PID1: variants seen among roughly 807,000 people sequenced by gnomAD.
The protein encoded by PID1 is phosphotyrosine interaction domain containing 1.
PID1 carries 10 observed loss-of-function variants against 19.1 expected under a neutral mutation model. The observed-to-expected ratio is 0.52, with a 90% CI of 0.32 to 0.89. The LOEUF (loss-of-function observed/expected upper bound fraction) is 0.89, where lower values mean the gene tolerates loss of function less well. PID1 is among the 40% of genes least tolerant of loss of function. The pLI, the probability that PID1 is intolerant of heterozygous loss-of-function variation, is 0.03. For synonymous variants in PID1, 130 were observed against 116.0 expected (o/e 1.12, Z -0.78); for missense variants, 248 against 285.3 (o/e 0.87, Z 0.94).
chr2:229,086,949 G>A (rs1197082462), intron 2 of PID1, among the ~76,000 whole-genome samples: 1 of 131,914 alleles, frequency 7.6e-6, no homozygotes, highest in Non-Finnish European at 1.7e-5. Context: ...TGAGAAGGCA[G>A]TCAGTGACTA....
At chr2:229,054,719 TGGG>T (rs59290972) in intron 2 of PID1, among the ~76,000 whole-genome samples, 25 of 18,020 alleles carry the variant, frequency 1.4e-3, no homozygotes, top group East Asian at 2.5e-3. Context: ...TGTGTGTGTG[TGGG>T]GGGGGGGGGG....
chr2:229,164,376 G>T (rs1690556803), intron 1 of PID1, among the ~76,000 whole-genome samples: 2 of 151,708 alleles, frequency 1.3e-5, no homozygotes, highest in Middle Eastern at 6.8e-3. Context: ...GAACTAAGAG[G>T]GTGTGAGTCA....
chr2:229,130,814 T>C (rs901080460), intron 2 of PID1, among the ~76,000 whole-genome samples: 3 of 152,190 alleles, frequency 2.0e-5, no homozygotes, highest in African/African-American at 7.2e-5. Flanking sequence ...AAATGAAGTT[T>C]ATTTTCTCAC....
At chr2:229,247,974 CCTCATCCTT>C (rs1690047207) in intron 1 of PID1, among the ~76,000 whole-genome samples, 1 of 152,116 alleles carries the variant, frequency 6.6e-6, no homozygotes, top group Admixed American at 6.6e-5. Flanking sequence ...TTCTCATCCT[CCTCATCCTT>C]CCTTCTCTCT....
At position 229,029,918 on chromosome 2, in the gene PID1, T is replaced by C. The variant is rs537888242; in HGVS notation, c.178-3810A>G. 9.9e-5 allele frequency among the ~76,000 whole-genome samples: 15 copies of C among 151,716 alleles called. No homozygotes were observed. In the South Asian group the frequency reaches 1.7e-3, roughly 17 times the overall value. On this transcript the variant is annotated intron_variant, in intron 2 of 2. Coordinates refer to ENST00000392055, the MANE Select transcript of PID1 (RefSeq NM_001100818.2). ...ACTTCTGGGTATATACCCCAAATAA[T>C]TGAAAGATGTATATCAAAGAGATAT...
intron 1 of PID1, among the ~76,000 whole-genome samples, chr2:229,187,834 C>T (rs1691168359): frequency 6.6e-6 from 1 of 152,178 alleles, no homozygotes. Context: ...TATAGAAAAC[C>T]TCAGTTTTAA....
intron 2 of PID1, among the ~76,000 whole-genome samples, chr2:229,146,037 T>TA (rs1690122532): frequency 6.6e-6 from 1 of 152,172 alleles, no homozygotes; most frequent in Non-Finnish European, 1.5e-5. Flanking sequence ...AAACATAACC[T>TA]AAAAAACTGA....
At chr2:229,103,277 A>C (rs925408178) in intron 2 of PID1, among the ~76,000 whole-genome samples, 5 of 152,128 alleles carry the variant, frequency 3.3e-5, no homozygotes, top group Non-Finnish European at 5.9e-5. Context: ...TCAATGGGAC[A>C]AGGGAAGGGC....
At chr2:229,204,255 G>A (rs1394624433) in intron 1 of PID1, among the ~76,000 whole-genome samples, 1 of 152,052 alleles carries the variant, frequency 6.6e-6, no homozygotes, top group East Asian at 1.9e-4. Flanking sequence ...AGCAAGAAAT[G>A]AGAGTGACTT....
In PID1 at chr2:229,155,877, C is replaced by T. The variant is rs1690362700; in HGVS notation, c.118G>A (p.Ala40Thr). Residue 40 changes from alanine to threonine, a missense_variant, in exon 2 of 3, where the codon GCC becomes ACC. Coordinates refer to ENST00000392055, the MANE Select transcript of PID1 (RefSeq NM_001100818.2). Reference sequence around the variant, plus strand: ...GGTGTGGTCGTGCACAGCTCAATGGCCTCCGGCTCATGGAAGATGACCGCT... The same window carrying T: ...GGTGTGGTCGTGCACAGCTCAATGGTCTCCGGCTCATGGAAGATGACCGCT... ...LPAVIFHEPEAIELCTTTPLM... is the reference protein window; with the variant it reads ...LPAVIFHEPETIELCTTTPLM... The T allele has an allele frequency of 6.2e-7, 1 of 1,613,816 alleles. No homozygotes were observed. Among genetic ancestry groups the T allele is most frequent in the Admixed American group, 1.7e-5 (1 of 60,002 alleles).
intron 2 of PID1, among the ~76,000 whole-genome samples, chr2:229,026,896 T>C (rs942813045): frequency 5.9e-5 from 9 of 152,224 alleles, no homozygotes; most frequent in African/African-American, 1.9e-4. Flanking sequence ...GTTTATAATA[T>C]GCCAAGAAGG....
At chr2:229,044,110 A>G (rs1438803570) in intron 2 of PID1, among the ~76,000 whole-genome samples, 2 of 152,176 alleles carry the variant, frequency 1.3e-5, no homozygotes, top group African/African-American at 2.4e-5. Context: ...ATGTCTCTTT[A>G]TGATGAATGT....
intron 1 of PID1, among the ~76,000 whole-genome samples, chr2:229,173,915 G>A (rs1690760623): frequency 6.6e-6 from 1 of 152,190 alleles, no homozygotes; most frequent in Admixed American, 6.5e-5. Flanking sequence ...GGGATGGGGA[G>A]GGGTGGTTGT....
intron 2 of PID1, among the ~76,000 whole-genome samples, chr2:229,096,569 G>C (rs192295518): frequency 1.3e-5 from 2 of 152,212 alleles, no homozygotes; most frequent in Non-Finnish European, 2.9e-5. Context: ...ACACATTATA[G>C]GTCTTGGCTT....
At chr2:229,026,622 A>G (rs1693430505) in intron 2 of PID1, among the ~76,000 whole-genome samples, 1 of 152,250 alleles carries the variant, frequency 6.6e-6, no homozygotes, top group African/African-American at 2.4e-5. Context: ...AATGCCAAGG[A>G]CGCAAAAACT....
chr2:229,077,909 TA>T (rs1216955345), intron 2 of PID1, among the ~76,000 whole-genome samples: 2 of 152,220 alleles, frequency 1.3e-5, no homozygotes, highest in African/African-American at 4.8e-5. Context: ...TAGTTTTTTC[TA>T]ATTCCGTGAA....
At chr2:229,204,420 ATC>A (rs1251313840) in intron 1 of PID1, among the ~76,000 whole-genome samples, 1 of 152,158 alleles carries the variant, frequency 6.6e-6, no homozygotes, top group African/African-American at 2.4e-5. Flanking sequence ...TGGTAAAATG[ATC>A]TTTGCAGGGA....
intron 1 of PID1, among the ~76,000 whole-genome samples, chr2:229,195,992 T>C (rs150382148): frequency 6.6e-6 from 1 of 152,142 alleles, no homozygotes; most frequent in East Asian, 1.9e-4. Flanking sequence ...AATCCAAGAA[T>C]TGTAAAAGTG....
chr2:229,167,848 A>C (rs1480747754), intron 1 of PID1, among the ~76,000 whole-genome samples: 1 of 152,174 alleles, frequency 6.6e-6, no homozygotes, highest in African/African-American at 2.4e-5. Context: ...AGTTTTAAAA[A>C]TGGAAAGTAG....
Sources: gnomAD v4.1 joint callset for allele counts (sites outside exome capture counted in the v4.1 genomes callset) on GRCh38, gnomAD v4.1.1 for gene constraint, MANE v1.5 for transcripts, NCBI Gene and HGNC (gene_info 2026-07-23, HGNC 2026-07-21) for gene names.